LRRC49: variants seen among roughly 807,000 people sequenced by gnomAD.
LRRC49 encodes the protein leucine-rich repeat-containing protein 49.
A neutral mutation model predicts 83.3 loss-of-function variants in LRRC49; 50 were observed. That is an observed-to-expected ratio of 0.60 (90% CI 0.48 to 0.76). The LOEUF (loss-of-function observed/expected upper bound fraction) is 0.76, where lower values mean the gene tolerates loss of function less well. LRRC49 is among the 30% of genes least tolerant of loss of function. The pLI is 0.00. For synonymous variants in LRRC49, 286 were observed against 283.3 expected (o/e 1.01, Z -0.10); for missense variants, 704 against 809.1 (o/e 0.87, Z 1.58).
At chr15:70,892,632 C>T (rs2033629831), upstream of LRRC49, 3 of 1,448,418 alleles carry the variant, frequency 2.1e-6, no homozygotes, top group South Asian at 4.3e-5. Flanking sequence ...TTATCCTCCT[C>T]CCAATACTCC....
At chr15:70,874,258 C>T (rs144633951) in intron 2 of LRRC49, among the ~76,000 whole-genome samples, 1 of 152,218 alleles carries the variant, frequency 6.6e-6, no homozygotes, top group African/African-American at 2.4e-5. Flanking sequence ...CAAACCCATC[C>T]CTGCTGGTTT....
intron 14 of LRRC49, among the ~76,000 whole-genome samples, chr15:71,025,707 GA>G (rs55848932): frequency 6.1e-5 from 9 of 146,866 alleles, no homozygotes; most frequent in African/African-American, 1.3e-4. Flanking sequence ...CAAATAGAAA[GA>G]AAAAAAAAAA....
intron 7 of LRRC49, among the ~76,000 whole-genome samples, chr15:70,927,225 T>C (rs1464695097): frequency 1.3e-5 from 2 of 152,236 alleles, no homozygotes; most frequent in African/African-American, 4.8e-5. Flanking sequence ...AATTCTATGA[T>C]TCTCATTGTG....
intron 2 of LRRC49, among the ~76,000 whole-genome samples, chr15:70,884,777 AT>A (rs2033361836): frequency 6.6e-6 from 1 of 152,216 alleles, no homozygotes; most frequent in African/African-American, 2.4e-5. Context: ...GGTTAAAAAA[AT>A]AACTTTTATT....
At chr15:70,865,443 T>C (rs879437184) in intron 1 of LRRC49, among the ~76,000 whole-genome samples, 5 of 152,178 alleles carry the variant, frequency 3.3e-5, no homozygotes, top group South Asian at 2.1e-4. Context: ...AATTATCTAA[T>C]AGCGAGTTCA....
chr15:70,887,707 C>T (rs2033447595), upstream of LRRC49, among the ~76,000 whole-genome samples: 1 of 152,150 alleles, frequency 6.6e-6, no homozygotes, highest in African/African-American at 2.4e-5. Flanking sequence ...TTCCCCTCAC[C>T]TCTTCTGTTC....
At chr15:71,009,762 G>T in intron 12 of LRRC49, 45 bp from the exon 13 acceptor site, 1 of 1,324,260 alleles carries the variant, frequency 7.6e-7, no homozygotes, top group Admixed American at 1.9e-5. Context: ...TTTCAATATG[G>T]TTAAAATCAA....
At chr15:70,926,942 C>T (rs1288230561) in intron 7 of LRRC49, among the ~76,000 whole-genome samples, 1 of 152,216 alleles carries the variant, frequency 6.6e-6, no homozygotes, top group South Asian at 2.1e-4. Context: ...AGACACTTCT[C>T]AAAAGAAGAC....
intron 11 of LRRC49, among the ~76,000 whole-genome samples, chr15:70,989,400 T>C (rs1342510816): frequency 6.6e-6 from 1 of 152,212 alleles, no homozygotes; most frequent in Non-Finnish European, 1.5e-5. Context: ...CCATCACTGA[T>C]ATCCTTTCTT....
At chr15:71,040,130 A>C (rs2039653934) in intron 15 of LRRC49, among the ~76,000 whole-genome samples, 1 of 152,246 alleles carries the variant, frequency 6.6e-6, no homozygotes, top group East Asian at 1.9e-4. Flanking sequence ...GAATTAATAG[A>C]TCTAATGTGA....
At chr15:70,893,063 T>C in intron 1 of LRRC49, 121 bp downstream of exon 1, 1 of 1,148,696 alleles carries the variant, frequency 8.7e-7, no homozygotes, top group South Asian at 1.2e-5. Flanking sequence ...CAAGCTATTG[T>C]CTGACCAGGG....
At chr15:70,935,505 T>A (rs763970882) in intron 7 of LRRC49, among the ~76,000 whole-genome samples, 1 of 152,178 alleles carries the variant, frequency 6.6e-6, no homozygotes, top group Non-Finnish European at 1.5e-5. Context: ...ATAATTTTAA[T>A]GCACTTGCCT....
At chr15:70,910,713 A>G (rs1567047661) in intron 5 of LRRC49, among the ~76,000 whole-genome samples, 1 of 152,118 alleles carries the variant, frequency 6.6e-6, no homozygotes, top group Non-Finnish European at 1.5e-5. Context: ...CGTACAACTT[A>G]TTCATTTAGT....
At chr15:70,922,865 A>G (rs1287612207) in intron 7 of LRRC49, among the ~76,000 whole-genome samples, 3 of 152,042 alleles carry the variant, frequency 2.0e-5, no homozygotes, top group Non-Finnish European at 4.4e-5. Flanking sequence ...AACTCAAAAA[A>G]ACCTGAAACA....
At chr15:70,901,865 C>T (rs2034095317) in intron 4 of LRRC49, among the ~76,000 whole-genome samples, 1 of 152,134 alleles carries the variant, frequency 6.6e-6, no homozygotes, top group Non-Finnish European at 1.5e-5. Context: ...CCCATCTTTA[C>T]ATCTAGAAAC....
intron 14 of LRRC49, among the ~76,000 whole-genome samples, chr15:71,021,042 G>A (rs1011498658): frequency 1.3e-5 from 2 of 151,926 alleles, no homozygotes; most frequent in South Asian, 2.1e-4. Context: ...TAGCTGATGA[G>A]CTAGAAAAAA....
chr15:70,861,835 G>T (rs767879958), intron 1 of LRRC49, among the ~76,000 whole-genome samples: 1 of 152,162 alleles, frequency 6.6e-6, no homozygotes, highest in African/African-American at 2.4e-5. Context: ...CGAGGCAGAA[G>T]AATTGCTTGA....
intron 12 of LRRC49, among the ~76,000 whole-genome samples, 178 bp downstream of exon 12, chr15:71,008,794 T>C (rs531572788): frequency 1.2e-4 from 19 of 152,020 alleles, no homozygotes; most frequent in Admixed American, 1.2e-3. Flanking sequence ...GCCTTGAAGT[T>C]TTATGTTAAC....
At chr15:70,909,839 A>AACACACACACACACACACACACACAC (rs146189261) in intron 5 of LRRC49, among the ~76,000 whole-genome samples, 3 of 136,090 alleles carry the variant, frequency 2.2e-5, no homozygotes, top group Admixed American at 7.5e-5. Flanking sequence ...CTCCATCTCA[A>AACACACACACACACACACACACACAC]ACACACACAC....
Sources: gnomAD v4.1 joint callset for allele counts (sites outside exome capture counted in the v4.1 genomes callset) on GRCh38, gnomAD v4.1.1 for gene constraint, MANE v1.5 for transcripts, NCBI Gene and HGNC (gene_info 2026-07-23, HGNC 2026-07-21) for gene names.